PRKD1: variants seen among roughly 807,000 people sequenced by gnomAD.
PRKD1 encodes the protein protein kinase D1, also known as serine/threonine-protein kinase D1.
In PRKD1, 63 loss-of-function variants were observed where a neutral mutation model predicts 95.9. The ratio of observed to expected loss-of-function variants is 0.66; its 90% confidence interval spans 0.54 to 0.81. The LOEUF (loss-of-function observed/expected upper bound fraction) is 0.81, where lower values mean the gene tolerates loss of function less well. Ranked by LOEUF, PRKD1 falls within the 30% of genes least tolerant of loss-of-function variation. The probability of loss-of-function intolerance (pLI) is 0.00; values close to 1 mark genes in which losing one functional copy is unlikely to be tolerated. For missense variants in PRKD1, 1,048 were observed against 1,165.3 expected (o/e 0.90, Z 1.47); for synonymous variants, 425 against 423.1 (o/e 1.00, Z -0.05).
At chr14:29,914,847 A>C (rs564797529) in intron 1 of PRKD1, among the ~76,000 whole-genome samples, 1 of 151,958 alleles carries the variant, frequency 6.6e-6, no homozygotes, top group Admixed American at 6.5e-5. Context: ...ATCTCGGCTA[A>C]CTGCAAGCTC....
At chr14:29,816,204 C>G (rs35129024) in intron 1 of PRKD1, among the ~76,000 whole-genome samples, 1 of 152,000 alleles carries the variant, frequency 6.6e-6, no homozygotes, top group Non-Finnish European at 1.5e-5. Flanking sequence ...GGCAACAGAG[C>G]AAGACCAAGA....
intron 13 of PRKD1, among the ~76,000 whole-genome samples, chr14:29,618,952 A>C (rs893494032): frequency 2.6e-5 from 4 of 152,300 alleles, no homozygotes; most frequent in African/African-American, 9.6e-5. Flanking sequence ...ATTTCAACCC[A>C]CATGGTCCCC....
intron 2 of PRKD1, among the ~76,000 whole-genome samples, chr14:29,720,731 G>A (rs1331447998): frequency 2.0e-5 from 3 of 151,234 alleles, no homozygotes; most frequent in African/African-American, 7.3e-5. Flanking sequence ...AGTGAGCCAA[G>A]ATTGAGCCAC....
At chr14:29,903,382 G>A (rs1894387258) in intron 1 of PRKD1, among the ~76,000 whole-genome samples, 1 of 152,158 alleles carries the variant, frequency 6.6e-6, no homozygotes, top group South Asian at 2.1e-4. Flanking sequence ...TGGGAGAAGG[G>A]ACAGAATGTA....
intron 1 of PRKD1, among the ~76,000 whole-genome samples, chr14:29,730,289 G>T (rs144925607): frequency 1.0e-3 from 153 of 152,128 alleles, no homozygotes; most frequent in African/African-American, 3.5e-3. Context: ...ACCATTCAGA[G>T]AAGTGCAAAT....
At chr14:29,762,316 A>G (rs1478927569) in intron 1 of PRKD1, among the ~76,000 whole-genome samples, 2 of 151,828 alleles carry the variant, frequency 1.3e-5, no homozygotes, top group African/African-American at 4.8e-5. Context: ...AGACTCTTGA[A>G]CTCCACTCCC....
chr14:29,828,932 C>T (rs965031862), intron 1 of PRKD1, among the ~76,000 whole-genome samples: 2 of 152,168 alleles, frequency 1.3e-5, no homozygotes, highest in African/African-American at 4.8e-5. Context: ...CTAGCTAGTC[C>T]TTAAGTGACA....
chr14:29,624,946 G>A (rs1879521504), intron 12 of PRKD1, among the ~76,000 whole-genome samples: 1 of 151,982 alleles, frequency 6.6e-6, no homozygotes, highest in Non-Finnish European at 1.5e-5. Context: ...CTACTATATT[G>A]TGGTAGGTAC....
At chr14:29,781,683 A>C (rs1487198380) in intron 1 of PRKD1, among the ~76,000 whole-genome samples, 1 of 152,214 alleles carries the variant, frequency 6.6e-6, no homozygotes, top group Non-Finnish European at 1.5e-5. Flanking sequence ...AAGAATGAGA[A>C]ATGTCTACCA....
intron 1 of PRKD1, among the ~76,000 whole-genome samples, chr14:29,816,522 C>G (rs1890700079): frequency 6.6e-6 from 1 of 152,134 alleles, no homozygotes; most frequent in Admixed American, 6.6e-5. Context: ...TTTAAATAAA[C>G]TGGAGAGTTA....
intron 2 of PRKD1, among the ~76,000 whole-genome samples, chr14:29,688,268 C>T (rs1162831551): frequency 6.6e-6 from 1 of 152,096 alleles, no homozygotes; most frequent in Non-Finnish European, 1.5e-5. Flanking sequence ...ACTAGGATAA[C>T]CTCCCTATCT....
At chr14:29,808,368 C>T (rs1890329480) in intron 1 of PRKD1, among the ~76,000 whole-genome samples, 2 of 87,762 alleles carry the variant, frequency 2.3e-5, no homozygotes, top group Non-Finnish European at 4.5e-5. Flanking sequence ...TACTTTCAGG[C>T]TCTACTTTTT....
chr14:29,868,473 T>C (rs1264518144), intron 1 of PRKD1, among the ~76,000 whole-genome samples: 1 of 152,206 alleles, frequency 6.6e-6, no homozygotes, highest in African/African-American at 2.4e-5. Flanking sequence ...AAATAAATAG[T>C]AGCCTTATGC....
chr14:29,913,293 AG>A (rs1444968384), intron 1 of PRKD1, among the ~76,000 whole-genome samples: 1 of 152,174 alleles, frequency 6.6e-6, no homozygotes, highest in Non-Finnish European at 1.5e-5. Flanking sequence ...TTAAATGTAC[AG>A]GTTTTTTGGC....
chr14:29,655,383 C>T (rs1388464554), intron 4 of PRKD1, among the ~76,000 whole-genome samples: 2 of 152,148 alleles, frequency 1.3e-5, no homozygotes, highest in South Asian at 2.1e-4. Context: ...ACTCATCCAT[C>T]TTAATTAACC....
chr14:29,822,803 T>A (rs1040883223), intron 1 of PRKD1, among the ~76,000 whole-genome samples: 1 of 152,200 alleles, frequency 6.6e-6, no homozygotes, highest in Non-Finnish European at 1.5e-5. Context: ...CATTCTTTAC[T>A]GATTCTTTTT....
chr14:29,677,608 C>T (rs924989063), intron 2 of PRKD1, among the ~76,000 whole-genome samples: 5 of 152,210 alleles, frequency 3.3e-5, no homozygotes, highest in African/African-American at 1.2e-4. Flanking sequence ...CAGGATCTCC[C>T]TCTGTCACCC....
chr14:29,838,395 T>C (rs1181866919), intron 1 of PRKD1, among the ~76,000 whole-genome samples: 1 of 152,192 alleles, frequency 6.6e-6, no homozygotes, highest in Non-Finnish European at 1.5e-5. Context: ...TGTTGTTTAT[T>C]AAGGAATTAA....
intron 1 of PRKD1, among the ~76,000 whole-genome samples, chr14:29,800,679 G>GA (rs567376677): frequency 6.6e-5 from 10 of 151,820 alleles, no homozygotes; most frequent in Admixed American, 2.0e-4. Flanking sequence ...CAAATCACAG[G>GA]AAAAAAAATG....
Sources: allele counts gnomAD v4.1 joint callset (sites outside exome capture counted in the v4.1 genomes callset), GRCh38; gene constraint gnomAD v4.1.1; transcripts MANE v1.5; gene names NCBI Gene and HGNC (gene_info 2026-07-23, HGNC 2026-07-21).